The following NBN variants were observed in gnomAD, a reference collection of about 807,000 sequenced individuals.
NBN encodes nibrin, also known as Nijmegen breakage syndrome 1 (nibrin).
NBN carries 88 observed loss-of-function variants against 90.8 expected under a neutral mutation model. The observed-to-expected ratio is 0.97, with a 90% confidence interval of 0.82 to 1.16. The LOEUF is 1.16. Ranked by LOEUF, NBN falls within the 50% of genes most tolerant of loss-of-function variation. NBN has a pLI of 0.00. For synonymous variants in NBN, 328 were observed against 295.1 expected (o/e 1.11, Z -1.14); for missense variants, 894 against 869.6 (o/e 1.03, Z -0.35).
In NBN at chr8:89,970,498, T is replaced by C. The variant is rs1354379132; in HGVS notation, c.762A>G (p.Glu254=). 6.2e-7 allele frequency: 1 copy of C among 1,613,908 alleles called. No homozygotes were observed. The highest frequency in any genetic ancestry group is 1.7e-5 in the Admixed American group (1 of 60,012). Residue 254 remains glutamate, a synonymous_variant, in exon 7 of 16, where the codon GAA becomes GAG. Transcript: ENST00000265433. The stretch of plus-strand genomic sequence containing the variant: ...AGAAATTATGTTCTTCTTCATTCTC[T>C]TCTGTTATCAACCTAGCTTCCCCAC... ...FGGGEARLIT[E]ENEEEHNFFL... is the part of the protein sequence containing the mutation.
At chr8:89,982,109 A>G (rs577709460) in intron 2 of NBN, 1 of 357,836 alleles carries the variant, frequency 2.8e-6, no homozygotes, top group African/African-American at 2.2e-5. Context: ...CACCAGCGTT[A>G]TCATGAGTAC....
At chr8:89,947,338 G>A (rs1330980055) in intron 12 of NBN, among the ~76,000 whole-genome samples, 3 of 152,000 alleles carry the variant, frequency 2.0e-5, no homozygotes, top group African/African-American at 7.2e-5. Context: ...GTTATAATAC[G>A]ATCTATCCAG....
intron 1 of NBN, chr8:89,984,305 C>A: frequency 1.6e-6 from 1 of 614,260 alleles, no homozygotes; most frequent in Non-Finnish European, 3.0e-6. Flanking sequence ...CACCAGGGGG[C>A]GCCGCAATCA....
rs1809724889 is a variant in NBN, at chr8:89,937,053, TC to T, written c.2206del (p.Glu736LysfsTer15). On this transcript the variant is annotated frameshift_variant, in exon 15 of 16. Transcript: ENST00000265433. LOFTEE classifies it high-confidence loss of function. ...EMEVQNQHAK[E>X]ESLADDLFRY... ...AAAAAGATCATCAGCAAGAGACTCT[TC>T]TTTTGCATGTTGATTTTGTACCTGT... 6.2e-7 allele frequency: 1 copy of T among 1,612,830 alleles called. No homozygotes were observed. Among genetic ancestry groups the T allele is most frequent in the South Asian group, 1.1e-5 (1 of 91,014 alleles).
At chr8:89,976,266 G>A (rs1302742585) in intron 5 of NBN, among the ~76,000 whole-genome samples, 2 of 152,188 alleles carry the variant, frequency 1.3e-5, no homozygotes, top group Non-Finnish European at 2.9e-5. Flanking sequence ...GAGCCACCAG[G>A]GCTGGCCTGC....
intron 5 of NBN, among the ~76,000 whole-genome samples, chr8:89,971,525 A>T (rs1435594862): frequency 6.6e-6 from 1 of 152,186 alleles, no homozygotes; most frequent in Admixed American, 6.5e-5. Flanking sequence ...TAATATCTCA[A>T]AATAAATAAT....
intron 10 of NBN, 112 bp from the exon 11 acceptor site, chr8:89,953,803 GATTTT>G: frequency 1.3e-6 from 1 of 796,492 alleles, no homozygotes; most frequent in Non-Finnish European, 2.0e-6. Flanking sequence ...ATGTACTCTT[GATTTT>G]ATTAACAATA....
At chr8:89,970,315 A>G (rs775755838) in intron 7 of NBN, 49 bp downstream of exon 7, 2 of 1,478,614 alleles carry the variant, frequency 1.4e-6, no homozygotes, top group Admixed American at 1.7e-5. Context: ...AAGGTTAAAC[A>G]TAAAATCTCC....
At chr8:89,943,038 C>CTTTT (rs10631091) in intron 14 of NBN, among the ~76,000 whole-genome samples, 2 of 139,674 alleles carry the variant, frequency 1.4e-5, no homozygotes, top group Non-Finnish European at 3.1e-5. Flanking sequence ...TAGGTCTCAC[C>CTTTT]TTTTTTTTTT....
intron 15 of NBN, 143 bp downstream of exon 15, chr8:89,936,883 A>G: frequency 1.5e-6 from 1 of 668,076 alleles, no homozygotes. Flanking sequence ...GAGGTGCTTA[A>G]GTAATAAAAA....
At chr8:89,962,500 C>G (rs1406636354) in intron 8 of NBN, among the ~76,000 whole-genome samples, 1 of 152,190 alleles carries the variant, frequency 6.6e-6, no homozygotes, top group African/African-American at 2.4e-5. Context: ...GACAAGGAAG[C>G]AGTAGTTTCT....
chr8:89,984,493 A>T (rs1372398159), intron 1 of NBN, 32 bp downstream of exon 1: 7 of 1,601,660 alleles, frequency 4.4e-6, no homozygotes, highest in African/African-American at 1.3e-5. Flanking sequence ...CTACCGGGAA[A>T]ATAGGCCCCG....
At chr8:89,936,730 CAG>C (rs770873119) in intron 15 of NBN, among the ~76,000 whole-genome samples, 1 of 152,196 alleles carries the variant, frequency 6.6e-6, no homozygotes, top group Non-Finnish European at 1.5e-5. Context: ...TAATTCTACT[CAG>C]AGCTGAAAAA....
chr8:89,941,781 T>C (rs760357815), intron 14 of NBN, among the ~76,000 whole-genome samples: 23 of 152,182 alleles, frequency 1.5e-4, no homozygotes, highest in Non-Finnish European at 2.8e-4. Context: ...CCAATTATTC[T>C]TTCAAAAAAG....
At chr8:89,982,699 G>C (rs1812125290) in intron 2 of NBN, 23 bp downstream of exon 2, 6 of 1,600,618 alleles carry the variant, frequency 3.7e-6, no homozygotes, top group South Asian at 1.1e-5. Context: ...CTGGAAACTA[G>C]TGAAATAAAA....
Position 89,978,331 on chromosome 8 carries a change from G to A in NBN, c.481-8C>T. 6.3e-7 allele frequency: 1 copy of A among 1,580,746 alleles called. No homozygotes were observed. Among genetic ancestry groups the A allele is most frequent in the Non-Finnish European group, 8.7e-7 (1 of 1,150,042 alleles). On this transcript the variant is annotated splice_polypyrimidine_tract_variant and splice_region_variant and intron_variant, in intron 4 of 15. Coordinates refer to ENST00000265433, the MANE Select transcript of NBN (RefSeq NM_002485.5). ...AATGAGTGCACATATTGTCTACAAT[G>A]AAGAAAACATGTGAATATATATATT... is the stretch of plus-strand genomic sequence containing the variant.
chr8:89,941,979 G>A (rs187067469), intron 14 of NBN, among the ~76,000 whole-genome samples: 1 of 152,258 alleles, frequency 6.6e-6, no homozygotes, highest in Admixed American at 6.5e-5. Flanking sequence ...AACCCTGAGA[G>A]GTTAGCAAGG....
chr8:89,942,793 A>C (rs6991977), intron 14 of NBN, among the ~76,000 whole-genome samples: 102 of 152,356 alleles, frequency 6.7e-4, no homozygotes, highest in African/African-American at 2.1e-3. Flanking sequence ...ACTTACGTTA[A>C]GTTGGAATTC....
intron 14 of NBN, among the ~76,000 whole-genome samples, chr8:89,942,243 A>C (rs1809983873): frequency 6.6e-6 from 1 of 152,188 alleles, no homozygotes; most frequent in African/African-American, 2.4e-5. Context: ...GAAGTTTCTA[A>C]TGATAAGCCA....
Sources: gnomAD v4.1 joint callset for allele counts (sites outside exome capture counted in the v4.1 genomes callset) on GRCh38, gnomAD v4.1.1 for gene constraint, MANE v1.5 for transcripts, NCBI Gene and HGNC (gene_info 2026-07-23, HGNC 2026-07-21) for gene names.